The following EP400 variants were observed in gnomAD, a reference collection of about 807,000 sequenced individuals.
EP400 encodes the protein E1A binding protein p400, also known as E1A-binding protein p400.
Under a neutral mutation model 354.1 loss-of-function variants are expected in EP400, and 105 were observed. That is an observed-to-expected ratio of 0.30 (90% CI 0.25 to 0.35). The LOEUF is 0.35. Ranked by LOEUF, EP400 falls within the 10% of genes least tolerant of loss-of-function variation. The probability of loss-of-function intolerance (pLI) is 1.00; values close to 1 mark genes in which losing one functional copy is unlikely to be tolerated. For synonymous variants in EP400, 1,646 were observed against 1,716.9 expected (o/e 0.96, Z 1.02); for missense variants, 3,280 against 4,121.0 (o/e 0.80, Z 5.59).
chr12:132,066,512 G>A lies in EP400; in HGVS notation c.8554-262G>A, dbSNP rs908113271. On this transcript the variant is annotated intron_variant, in intron 48 of 52. Transcript: ENST00000389561. ...TGGAGGGAAGTGAAGGTGATGTCCC[G>A]TGAGATCACTGACATCTGAACGCAG... is the stretch of plus-strand genomic sequence containing the variant. 7.5e-5 allele frequency: 34 copies of A among 453,550 alleles called. 1 individual carries two copies. The South Asian group carries it at 8.2e-4, about 11-fold the overall frequency. 28.1% of individuals were successfully genotyped at this position (453,550 alleles called of 1,614,324 possible). A position where few individuals can be genotyped will look rare whatever the true frequency, so the allele number is the denominator to read the frequency against.
chr12:131,996,327 T>G (rs978873355), intron 12 of EP400, among the ~76,000 whole-genome samples: 6 of 143,488 alleles, frequency 4.2e-5, no homozygotes, highest in African/African-American at 1.7e-4. Flanking sequence ...GGAGTCTCGC[T>G]GTCACCCAGG....
intron 15 of EP400, among the ~76,000 whole-genome samples, chr12:132,010,413 C>G (rs1276208634): frequency 6.6e-6 from 1 of 152,056 alleles, no homozygotes; most frequent in Non-Finnish European, 1.5e-5. Context: ...GTTTATTGTC[C>G]TGTTATATTT....
At chr12:132,032,627 T>G (rs574298263) in intron 30 of EP400, among the ~76,000 whole-genome samples, 35 of 152,090 alleles carry the variant, frequency 2.3e-4, no homozygotes, top group African/African-American at 7.2e-4. Flanking sequence ...AATTAGTTTT[T>G]TTTTTTTTTT....
chr12:131,950,380 GC>G (rs1355730335), intron 1 of EP400, among the ~76,000 whole-genome samples: 1 of 152,196 alleles, frequency 6.6e-6, no homozygotes, highest in Non-Finnish European at 1.5e-5. Flanking sequence ...TCCGGCCCGC[GC>G]CTCCTGGTTC....
rs944223822 is a variant in EP400, at chr12:132,050,526, A to C, written c.7337+67A>C. 2 of 1,612,744 alleles carry C rather than the reference A, an allele frequency of 1.2e-6. No homozygotes were observed. The highest frequency in any genetic ancestry group is 2.7e-5 in the African/African-American group (2 of 74,810). On this transcript the variant is annotated intron_variant, in intron 40 of 52. Transcript: ENST00000389561. The surrounding 1 kb of genome is among the most constrained non-coding windows in gnomAD (Gnocchi z 4.8). ...GTAGATTGCGTGAAGCTTGGTTTTG[A>C]TGTGTTTTTAACATACCCTTCTTCA...
chr12:132,065,174 G>A (rs570362542), intron 48 of EP400: 2 of 539,844 alleles, frequency 3.7e-6, no homozygotes, highest in East Asian at 6.6e-5. Context: ...TGGCTTCCCT[G>A]TGCTGCTGAG....
In EP400 at chr12:132,028,069, A is replaced by G. The variant is rs1200441523; in HGVS notation, c.5162A>G (p.Asn1721Ser). 8.1e-6 allele frequency: 13 copies of G among 1,614,090 alleles called. No individual in the cohort carries two copies. The highest frequency in any genetic ancestry group is 9.3e-6 in the Non-Finnish European group (11 of 1,180,046). ...CGCCTGGATCAGATTTATTTAGTCA[A>G]CGAGCGGCGCTGTTCTCAAGCTCCA... ...KERLDQIYLV[N>S]ERRCSQAPVY... Residue 1721 changes from asparagine to serine, a missense_variant, in exon 27 of 53, where the codon AAC becomes AGC. Around this residue, in one of 20 missense-constraint regions of EP400, gnomAD observed 459 missense variants for 496.9 expected, o/e 0.92. Coordinates refer to ENST00000389561, the MANE Select transcript of EP400 (RefSeq NM_015409.5).
intron 5 of EP400, among the ~76,000 whole-genome samples, chr12:131,983,924 G>T (rs562224993): frequency 6.6e-6 from 1 of 150,760 alleles, no homozygotes. Flanking sequence ...TTTTTTAGAC[G>T]GAGTTTCGCT....
intron 1 of EP400, among the ~76,000 whole-genome samples, chr12:131,956,927 A>T (rs1310979125): frequency 7.5e-6 from 1 of 133,224 alleles, no homozygotes; most frequent in East Asian, 2.2e-4. Context: ...GCTGGAGTGC[A>T]GTGGCAAGCC....
In EP400 at chr12:132,029,626, A is replaced by G. The variant is rs559889289; in HGVS notation, c.5382-75A>G. The G allele has an allele frequency of 5.6e-5, 85 of 1,506,832 alleles. No homozygotes were observed. The highest frequency in any genetic ancestry group is 7.4e-5 in the Non-Finnish European group (81 of 1,097,982). The allele number at this position is 1,506,832 out of a possible 1,614,324, so 93.3% of individuals were successfully genotyped here. A position where few individuals can be genotyped will look rare whatever the true frequency, so the allele number is the denominator to read the frequency against. ...ACTTGGACTGTCAGAAGTCTGCCCC[A>G]TCTTTCAGGAGCCCCCATGCTGGGT... On this transcript the variant is annotated intron_variant, in intron 27 of 52. Coordinates refer to ENST00000389561, the MANE Select transcript of EP400 (RefSeq NM_015409.5). The surrounding 1 kb of genome is among the most constrained non-coding windows in gnomAD (Gnocchi z 4.7).
chr12:132,005,960 G>C, intron 13 of EP400, 152 bp from the exon 14 acceptor site: 1 of 719,686 alleles, frequency 1.4e-6, no homozygotes, highest in Non-Finnish European at 2.2e-6. Context: ...AGGTAGCATT[G>C]TTAGATATTT....
intron 45 of EP400, among the ~76,000 whole-genome samples, chr12:132,057,587 C>G (rs1895555169): frequency 6.6e-6 from 1 of 152,226 alleles, no homozygotes; most frequent in Non-Finnish European, 1.5e-5. Flanking sequence ...ATATTGTACT[C>G]TGTAAATTAC....
intron 21 of EP400, among the ~76,000 whole-genome samples, 172 bp from the exon 22 acceptor site, chr12:132,019,877 A>G (rs949632034): frequency 7.2e-5 from 11 of 152,048 alleles, no homozygotes; most frequent in African/African-American, 2.7e-4. Context: ...GGGTGAGCTT[A>G]CCTAGAGCAG....
chr12:132,025,345 G>A lies in EP400; in HGVS notation c.4856-301G>A, dbSNP rs1289672971. Reference sequence around the variant, plus strand: ...TCTGGGAGTGGGGATGTCCGCCTCAGTACCTCGAACAGCATGGCAGGTCCT... The same window carrying A: ...TCTGGGAGTGGGGATGTCCGCCTCAATACCTCGAACAGCATGGCAGGTCCT... On this transcript the variant is annotated intron_variant, in intron 24 of 52. Transcript: ENST00000389561. This position sits in a 1 kb window ranked among gnomAD's most constrained non-coding sequence, Gnocchi z 4.1. Among the ~76,000 whole-genome samples the A allele has an allele frequency of 1.3e-5, 2 of 152,146 alleles. No individual in the cohort carries two copies. The highest frequency in any genetic ancestry group is 2.9e-5 in the Non-Finnish European group (2 of 68,030).
At chr12:131,967,344 G>A (rs1413291932) in intron 2 of EP400, among the ~76,000 whole-genome samples, 1 of 151,734 alleles carries the variant, frequency 6.6e-6, no homozygotes. Context: ...TCATGCCACT[G>A]CACTCCAGCC....
chr12:131,999,851 C>T (rs1893346682), intron 12 of EP400, among the ~76,000 whole-genome samples: 1 of 152,110 alleles, frequency 6.6e-6, no homozygotes, highest in Non-Finnish European at 1.5e-5. Flanking sequence ...TATTGGCATA[C>T]ATTGTCAATA....
chr12:132,071,422 A>G (rs1321474702), intron 51 of EP400, among the ~76,000 whole-genome samples: 6 of 151,896 alleles, frequency 4.0e-5, no homozygotes, highest in Admixed American at 2.0e-4. Flanking sequence ...TGCTCCTACC[A>G]GAGGCTTCCG....
chr12:131,966,244 G>C (rs1892076007), intron 2 of EP400, among the ~76,000 whole-genome samples: 1 of 152,068 alleles, frequency 6.6e-6, no homozygotes, highest in African/African-American at 2.4e-5. Flanking sequence ...CACTTTGGGA[G>C]GCCAAGGTGG....
rs1438619701 is a variant in EP400, at chr12:132,013,484, T to C, written c.3612-6T>C. 2 of 1,554,118 alleles carry C rather than the reference T, an allele frequency of 1.3e-6. No homozygotes were observed. The highest frequency in any genetic ancestry group is 1.7e-6 in the Non-Finnish European group (2 of 1,149,386). ...ACTCCAGTGTTGTCTCTTGTCCTGT[T>C]TGCAGCCAACAACGTCTGCTTCTGA... On this transcript the variant is annotated splice_polypyrimidine_tract_variant and splice_region_variant and intron_variant, in intron 17 of 52. Coordinates refer to ENST00000389561, the MANE Select transcript of EP400 (RefSeq NM_015409.5). This position sits in a 1 kb window ranked among gnomAD's most constrained non-coding sequence, Gnocchi z 4.5.
Sources: gnomAD v4.1 joint callset for allele counts (sites outside exome capture counted in the v4.1 genomes callset) on GRCh38, gnomAD v4.1.1 for gene constraint, gnomAD v4.1.1 regional missense constraint, Gnocchi (gnomAD v3.1) non-coding constraint, MANE v1.5 for transcripts, NCBI Gene and HGNC (gene_info 2026-07-23, HGNC 2026-07-21) for gene names.